FAM13B: variants seen among roughly 807,000 people sequenced by gnomAD.
FAM13B encodes protein FAM13B.
FAM13B carries 60 observed loss-of-function variants against 117.3 expected under a neutral mutation model. That is an observed-to-expected ratio of 0.51 (90% CI 0.42 to 0.63). The LOEUF (loss-of-function observed/expected upper bound fraction) is 0.63. Among genes scored for constraint, FAM13B ranks in the 30% least tolerant of loss-of-function variants. The pLI is 0.00. For missense variants in FAM13B, 972 were observed against 1,091.9 expected (o/e 0.89, Z 1.55); for synonymous variants, 332 against 356.1 (o/e 0.93, Z 0.76).
intron 7 of FAM13B, among the ~76,000 whole-genome samples, chr5:137,993,158 G>A (rs891554529): frequency 2.0e-5 from 3 of 152,180 alleles, no homozygotes; most frequent in African/African-American, 7.2e-5. Flanking sequence ...GGAAGTGATT[G>A]CTATAATGTC....
chr5:137,979,072 G>A (rs540206507), intron 10 of FAM13B, among the ~76,000 whole-genome samples: 14 of 151,092 alleles, frequency 9.3e-5, no homozygotes, highest in Non-Finnish European at 1.9e-4. Flanking sequence ...GAGTGCAGTG[G>A]CATAATCTCA....
At chr5:137,973,034 C>G (rs1287079670) in intron 10 of FAM13B, among the ~76,000 whole-genome samples, 2 of 152,042 alleles carry the variant, frequency 1.3e-5, no homozygotes, top group African/African-American at 4.8e-5. Context: ...CCATACTGCC[C>G]AAGGTAATTT....
intron 23 of FAM13B, among the ~76,000 whole-genome samples, chr5:137,941,598 G>A (rs1761858461): frequency 6.6e-6 from 1 of 152,256 alleles, no homozygotes; most frequent in South Asian, 2.1e-4. Flanking sequence ...ACTAGTTAAG[G>A]ATACCACTCC....
At chr5:138,044,552 G>GAA (rs34297403) in intron 1 of FAM13B, among the ~76,000 whole-genome samples, 92 of 108,068 alleles carry the variant, frequency 8.5e-4, no homozygotes, top group African/African-American at 1.9e-3. Context: ...ACTCCATCTC[G>GAA]AAAAAAAAAA....
chr5:138,048,792 C>T (rs1282150595), intron 1 of FAM13B, among the ~76,000 whole-genome samples: 1 of 152,082 alleles, frequency 6.6e-6, no homozygotes, highest in Non-Finnish European at 1.5e-5. Context: ...CTCATATATT[C>T]ACAATATTTT....
chr5:138,021,851 T>C (rs1312746678), intron 1 of FAM13B, among the ~76,000 whole-genome samples: 1 of 152,178 alleles, frequency 6.6e-6, no homozygotes, highest in Non-Finnish European at 1.5e-5. Flanking sequence ...GTGCATTGGC[T>C]CATGGCTATA....
chr5:137,960,619 C>T (rs1767874393), intron 11 of FAM13B, among the ~76,000 whole-genome samples: 1 of 152,080 alleles, frequency 6.6e-6, no homozygotes, highest in Non-Finnish European at 1.5e-5. Flanking sequence ...TCAAAGAAAA[C>T]TTTTTAAAAA....
chr5:138,018,368 G>GA lies in FAM13B; in HGVS notation c.303dup (p.Leu102SerfsTer6). 1.2e-6 allele frequency: 2 copies of GA among 1,614,100 alleles called. No individual in the cohort carries two copies. The highest frequency in any genetic ancestry group is 1.7e-6 in the Non-Finnish European group (2 of 1,180,012). The stretch of plus-strand genomic sequence containing the variant: ...ATAACAGGTTCAGGAAGTTCTTGAA[G>GA]AAAAAATCTAAGAAGGCTAATAGCT... On this transcript the variant is annotated frameshift_variant, in exon 4 of 24. Coordinates refer to ENST00000689681, the MANE Select transcript of FAM13B (RefSeq NM_001385994.1). LOFTEE classifies it high-confidence loss of function.
chr5:138,038,781 A>T (rs1036907748), intron 1 of FAM13B, among the ~76,000 whole-genome samples: 20 of 152,246 alleles, frequency 1.3e-4, no homozygotes, highest in South Asian at 8.3e-4. Flanking sequence ...TTAGCAACCC[A>T]GAATAACCTT....
intron 10 of FAM13B, among the ~76,000 whole-genome samples, chr5:137,977,448 C>G (rs1774349731): frequency 1.3e-5 from 2 of 152,152 alleles, no homozygotes; most frequent in African/African-American, 4.8e-5. Context: ...TAAAAACTTG[C>G]TGGTTTTACA....
At chr5:138,024,298 G>A (rs1246585141) in intron 1 of FAM13B, among the ~76,000 whole-genome samples, 2 of 152,160 alleles carry the variant, frequency 1.3e-5, no homozygotes, top group South Asian at 2.1e-4. Context: ...AAGAGGACAA[G>A]ATACACAGAG....
intron 10 of FAM13B, among the ~76,000 whole-genome samples, chr5:137,973,307 T>C (rs561137491): frequency 6.6e-6 from 1 of 152,226 alleles, no homozygotes; most frequent in East Asian, 1.9e-4. Flanking sequence ...TAATGCTGCA[T>C]ATCTACAACT....
At chr5:138,001,239 C>A (rs1018684492) in intron 7 of FAM13B, among the ~76,000 whole-genome samples, 2 of 152,100 alleles carry the variant, frequency 1.3e-5, no homozygotes, top group African/African-American at 2.4e-5. Flanking sequence ...CTAATATTTC[C>A]AATAAATGTT....
At chr5:138,020,063 TTC>T (rs1440808002) in intron 2 of FAM13B, 3 of 913,160 alleles carry the variant, frequency 3.3e-6, no homozygotes, top group Non-Finnish European at 3.9e-6. Context: ...ACACTGTTAT[TTC>T]TTTTTATTTT....
chr5:138,047,232 C>T (rs75350407), intron 1 of FAM13B, among the ~76,000 whole-genome samples: 3,374 of 150,886 alleles, frequency 0.022, 110 homozygotes, highest in African/African-American at 0.077. Flanking sequence ...TCAGACCGGG[C>T]GCGGTGGCTC....
chr5:137,972,980 C>G (rs566946533), intron 10 of FAM13B, among the ~76,000 whole-genome samples: 1 of 151,934 alleles, frequency 6.6e-6, no homozygotes, highest in East Asian at 1.9e-4. Flanking sequence ...AATGGAAGAA[C>G]ATTCCATGCT....
chr5:137,959,498 A>T lies in FAM13B; in HGVS notation c.1441+118T>A, dbSNP rs933848231. On this transcript the variant is annotated intron_variant, in intron 13 of 23. Transcript: ENST00000689681. Reference sequence around the variant, plus strand: ...CTTGTTCATCTTACATGAAAGGGAGAACAGAAGATCAAGATGAATAAGGTT... The same window carrying T: ...CTTGTTCATCTTACATGAAAGGGAGTACAGAAGATCAAGATGAATAAGGTT... 21 of 1,047,452 alleles carry T rather than the reference A, an allele frequency of 2.0e-5. No individual in the cohort carries two copies. The African/African-American group carries it at 3.3e-4, about 17-fold the overall frequency. The allele number at this position is 1,047,452 out of a possible 1,614,324, so 64.9% of individuals were successfully genotyped here.
At chr5:137,991,314 T>C (rs1241259204) in intron 7 of FAM13B, among the ~76,000 whole-genome samples, 1 of 152,210 alleles carries the variant, frequency 6.6e-6, no homozygotes, top group African/African-American at 2.4e-5. Context: ...GAAAATAATA[T>C]CAGAAATTGT....
At chr5:137,993,163 A>G (rs1167937881) in intron 7 of FAM13B, among the ~76,000 whole-genome samples, 2 of 152,228 alleles carry the variant, frequency 1.3e-5, no homozygotes, top group African/African-American at 4.8e-5. Flanking sequence ...TGATTGCTAT[A>G]ATGTCCACAT....
Sources: gnomAD v4.1 joint callset for allele counts (sites outside exome capture counted in the v4.1 genomes callset) on GRCh38, gnomAD v4.1.1 for gene constraint, MANE v1.5 for transcripts, NCBI Gene and HGNC (gene_info 2026-07-23, HGNC 2026-07-21) for gene names.